The following EPB41L2 variants were observed in gnomAD, a reference collection of about 807,000 sequenced individuals.
EPB41L2 encodes the protein erythrocyte membrane protein band 4.1 like 2.
Under a neutral mutation model 113.0 loss-of-function variants are expected in EPB41L2, and 43 were observed. That is an observed-to-expected ratio of 0.38 (90% confidence interval 0.30 to 0.49). EPB41L2 has a LOEUF of 0.49. EPB41L2 is among the 20% of genes least tolerant of loss of function. The pLI, the probability that EPB41L2 is intolerant of heterozygous loss-of-function variation, is 0.95. For synonymous variants in EPB41L2, 442 were observed against 436.7 expected (o/e 1.01, Z -0.15); for missense variants, 1,147 against 1,223.4 (o/e 0.94, Z 0.93).
intron 1 of EPB41L2, among the ~76,000 whole-genome samples, chr6:131,038,734 TA>T (rs149071096): frequency 0.017 from 2,660 of 152,318 alleles, 91 homozygotes; most frequent in African/African-American, 0.06. Context: ...TTGTTTTTAT[TA>T]ATATGGTATG....
At position 130,980,917 on chromosome 6, in the gene EPB41L2, A is replaced by T. The variant is rs541263010; in HGVS notation, c.-14-24418T>A. ...ACTTCCTCTGTTCAGCTTATCGGAC[A>T]TTCATTCTATTTTATAGAATGAGGT... On this transcript the variant is annotated intron_variant, in intron 1 of 19. Coordinates refer to ENST00000337057, the MANE Select transcript of EPB41L2 (RefSeq NM_001431.4). 5.3e-5 allele frequency among the ~76,000 whole-genome samples: 8 copies of T among 152,276 alleles called. No homozygotes were observed. In the East Asian group the frequency reaches 9.7e-4, roughly 18 times the overall value.
chr6:130,905,096 TC>T (rs1797337099), intron 5 of EPB41L2, among the ~76,000 whole-genome samples: 1 of 152,198 alleles, frequency 6.6e-6, no homozygotes, highest in Non-Finnish European at 1.5e-5. Flanking sequence ...TACAATTATT[TC>T]CCAGGTTTTA....
chr6:130,974,434 C>T (rs527962239), intron 1 of EPB41L2, among the ~76,000 whole-genome samples: 1 of 152,112 alleles, frequency 6.6e-6, no homozygotes, highest in Non-Finnish European at 1.5e-5. Flanking sequence ...TACTGCTCAG[C>T]TCCTCCCTGG....
At chr6:131,058,128 G>C (rs867586290) in intron 1 of EPB41L2, among the ~76,000 whole-genome samples, 1 of 152,132 alleles carries the variant, frequency 6.6e-6, no homozygotes, top group Non-Finnish European at 1.5e-5. Flanking sequence ...ATTCAGAGAG[G>C]TATCTGTGAA....
chr6:130,963,550 A>C (rs1010104217), intron 1 of EPB41L2, among the ~76,000 whole-genome samples: 1 of 152,182 alleles, frequency 6.6e-6, no homozygotes, highest in Non-Finnish European at 1.5e-5. Context: ...ATGAAAACTA[A>C]GGCATAATTT....
intron 1 of EPB41L2, among the ~76,000 whole-genome samples, chr6:131,038,053 G>A (rs144296660): frequency 6.6e-5 from 10 of 152,100 alleles, no homozygotes; most frequent in East Asian, 3.9e-4. Flanking sequence ...CAATAAACAC[G>A]TATGTGGATC....
intron 1 of EPB41L2, among the ~76,000 whole-genome samples, chr6:131,036,402 T>C (rs1793319703): frequency 6.6e-6 from 1 of 151,864 alleles, no homozygotes; most frequent in Non-Finnish European, 1.5e-5. Context: ...AGTGGCATAA[T>C]AAAACAATAA....
At chr6:130,993,041 A>T (rs556467051) in intron 1 of EPB41L2, among the ~76,000 whole-genome samples, 1 of 152,212 alleles carries the variant, frequency 6.6e-6, no homozygotes, top group Admixed American at 6.5e-5. Context: ...TTTATTTCAT[A>T]ATAAGGAAAA....
intron 13 of EPB41L2, 137 bp from the exon 14 acceptor site, chr6:130,878,387 A>C: frequency 1.0e-6 from 1 of 972,616 alleles, no homozygotes; most frequent in Non-Finnish European, 1.5e-6. Context: ...AAAAATGCCA[A>C]GTCTCTAAAG....
intron 1 of EPB41L2, 73 bp from the exon 2 acceptor site, chr6:130,956,572 T>C (rs1422466441): frequency 3.2e-5 from 44 of 1,356,372 alleles, no homozygotes; most frequent in Non-Finnish European, 4.4e-5. Context: ...GCGAGGGGCA[T>C]GGTAAGGAAA....
intron 8 of EPB41L2, 41 bp downstream of exon 8, chr6:130,899,447 TCAA>T (rs1464056446): frequency 1.3e-6 from 2 of 1,534,660 alleles, no homozygotes; most frequent in Non-Finnish European, 1.8e-6. Context: ...AAAACCTCAG[TCAA>T]CAGACTACTA....
Position 130,867,464 on chromosome 6 carries a change from G to A in EPB41L2, c.2725C>T (p.Pro909Ser), listed in dbSNP as rs534058612. 5.6e-6 allele frequency: 9 copies of A among 1,613,920 alleles called. No homozygotes were observed. In the African/African-American group the frequency reaches 1.2e-4, roughly 22 times the overall value. ...CAAGTCTAGAGCTTTTGTACCTGTG[G>A]AGACTCATATGTGATGGTTTTGGTC... ...TETKTITYES[P>S]QIDGGAGGDS... is the part of the protein sequence containing the mutation. Residue 909 changes from proline to serine, a missense_variant, in exon 16 of 20, where the codon CCA becomes TCA. Pro to Ser is a moderately conservative substitution (Grantham distance 74, BLOSUM62 -1). Transcript: ENST00000337057.
chr6:131,045,709 C>T (rs565735632), intron 1 of EPB41L2, among the ~76,000 whole-genome samples: 1 of 152,160 alleles, frequency 6.6e-6, no homozygotes, highest in South Asian at 2.1e-4. Flanking sequence ...AATCTAGGAA[C>T]AGCTTACTCG....
chr6:130,915,877 C>A (rs1251765198), intron 4 of EPB41L2, among the ~76,000 whole-genome samples: 1 of 152,184 alleles, frequency 6.6e-6, no homozygotes, highest in Non-Finnish European at 1.5e-5. Context: ...TGCCTTCTGC[C>A]ATGATTGTGA....
At chr6:130,892,879 T>C (rs1422951031) in intron 10 of EPB41L2, among the ~76,000 whole-genome samples, 2 of 152,154 alleles carry the variant, frequency 1.3e-5, no homozygotes, top group African/African-American at 4.8e-5. Context: ...ATATGGATGA[T>C]GGAAGTGAAG....
chr6:130,958,468 C>CAAAAAAAAA (rs200548809), intron 1 of EPB41L2, among the ~76,000 whole-genome samples: 21 of 113,804 alleles, frequency 1.8e-4, no homozygotes, highest in Non-Finnish European at 2.6e-4. Context: ...ACAACAACAA[C>CAAAAAAAAA]AAAAAAAAAA....
At chr6:130,899,679 A>T (rs182204678) in intron 7 of EPB41L2, 101 bp from the exon 8 acceptor site, 1 of 1,078,040 alleles carries the variant, frequency 9.3e-7, no homozygotes, top group East Asian at 2.5e-5. Context: ...GAGGAGAGAA[A>T]GTTACCCAGC....
chr6:130,870,492 C>T, intron 14 of EPB41L2: 3 of 1,147,556 alleles, frequency 2.6e-6, no homozygotes, highest in Non-Finnish European at 3.8e-6. Flanking sequence ...TCAACATCTA[C>T]AGAAACCTCT....
At chr6:130,886,560 T>C (rs1791038740) in intron 11 of EPB41L2, among the ~76,000 whole-genome samples, 1 of 152,200 alleles carries the variant, frequency 6.6e-6, no homozygotes, top group South Asian at 2.1e-4. Context: ...CCATATCAAA[T>C]CATAGTCAAC....
Sources: allele counts gnomAD v4.1 joint callset (sites outside exome capture counted in the v4.1 genomes callset), GRCh38; gene constraint gnomAD v4.1.1; transcripts MANE v1.5; gene names NCBI Gene and HGNC (gene_info 2026-07-23, HGNC 2026-07-21).